The following CUEDC1 variants were observed in gnomAD, a reference collection of about 807,000 sequenced individuals.
CUEDC1 encodes the protein CUE domain-containing protein 1.
In CUEDC1, 30 loss-of-function variants were observed where a neutral mutation model predicts 43.7. That is an observed-to-expected ratio of 0.69 (90% confidence interval 0.51 to 0.93). The LOEUF is 0.93. Ranked by LOEUF, CUEDC1 falls within the 40% of genes least tolerant of loss-of-function variation. CUEDC1 has a pLI of 0.00. For synonymous variants in CUEDC1, 223 were observed against 223.6 expected, an observed-to-expected ratio of 1.00 and a Z score of 0.02; for missense variants, 486 against 549.0, an observed-to-expected ratio of 0.89 and a Z score of 1.15.
rs536255647 is a variant in CUEDC1 at position 57,873,902 on chromosome 17, G to A, written c.465-185C>T. 3.3e-5 allele frequency among the ~76,000 whole-genome samples: 5 copies of A among 152,262 alleles called. No individual in the cohort carries two copies. The East Asian group carries it at 5.8e-4, about 18-fold the overall frequency. ...TGGAGATGTCTCCACCAGCCTCAGC[G>A]AACTCCCCAGCCATTCATGCTCTCC... On this transcript the variant is annotated intron_variant, in intron 3 of 10. Transcript: ENST00000577830.
At chr17:57,870,637 G>A (rs1463803094) in intron 6 of CUEDC1, among the ~76,000 whole-genome samples, 1 of 151,466 alleles carries the variant, frequency 6.6e-6, no homozygotes, top group Non-Finnish European at 1.5e-5. Flanking sequence ...AGACTTATGA[G>A]TCTCTGAGCC....
At chr17:57,907,378 G>C (rs1384147577) in intron 1 of CUEDC1, among the ~76,000 whole-genome samples, 1 of 152,174 alleles carries the variant, frequency 6.6e-6, no homozygotes, top group Non-Finnish European at 1.5e-5. Context: ...GGGAGAAGAG[G>C]ATCAGCAGTC....
At chr17:57,864,796 G>C (rs113983219) in intron 10 of CUEDC1, among the ~76,000 whole-genome samples, 18,691 of 152,188 alleles carry the variant, frequency 0.12, 1,572 homozygotes, top group Non-Finnish European at 0.18. Context: ...GCTCACACCT[G>C]TAATCCTAGC....
intron 1 of CUEDC1, among the ~76,000 whole-genome samples, chr17:57,888,359 C>A (rs955136246): frequency 2.0e-5 from 3 of 152,204 alleles, no homozygotes; most frequent in Admixed American, 6.5e-5. Flanking sequence ...TTTTTAGTGC[C>A]TGAGTAGCAT....
At chr17:57,899,621 C>T (rs1287853305) in intron 1 of CUEDC1, among the ~76,000 whole-genome samples, 2 of 152,074 alleles carry the variant, frequency 1.3e-5, no homozygotes. Context: ...TGCTAACAGG[C>T]TCCCACTCAC....
In CUEDC1 at chr17:57,862,872, C is replaced by G. The variant is rs1337597975; in HGVS notation, c.*417G>C. 3.3e-5 allele frequency: 5 copies of G among 152,144 alleles called. No homozygotes were observed. The highest frequency in any genetic ancestry group is 5.9e-5 in the Non-Finnish European group (4 of 68,084). The allele number at this position is 152,144 out of a possible 1,614,324, so 9.4% of individuals were successfully genotyped here. Reference sequence around the variant, plus strand: ...TGTGACAGGAGAGATAGAGAACGGACGGAGGCAGAGACTCCACCTTCAGGC... The same window carrying G: ...TGTGACAGGAGAGATAGAGAACGGAGGGAGGCAGAGACTCCACCTTCAGGC... On this transcript the variant is annotated 3_prime_UTR_variant, in exon 11 of 11. Transcript: ENST00000577830.
intron 1 of CUEDC1, among the ~76,000 whole-genome samples, chr17:57,905,861 G>A (rs919327051): frequency 1.3e-5 from 2 of 152,196 alleles, no homozygotes; most frequent in Non-Finnish European, 1.5e-5. Context: ...GGTTGTGTGG[G>A]GGCAACTCCT....
intron 1 of CUEDC1, among the ~76,000 whole-genome samples, chr17:57,887,250 G>A (rs2074302395): frequency 6.6e-6 from 1 of 152,054 alleles, no homozygotes; most frequent in Admixed American, 6.6e-5. Context: ...GCACAATGAG[G>A]GACCTTAATC....
chr17:57,906,293 C>T (rs1325708465), intron 1 of CUEDC1, among the ~76,000 whole-genome samples: 1 of 152,226 alleles, frequency 6.6e-6, no homozygotes, highest in Admixed American at 6.5e-5. Context: ...GAATGAAATG[C>T]TGACACATGC....
intron 1 of CUEDC1, among the ~76,000 whole-genome samples, chr17:57,905,828 G>A (rs575144263): frequency 6.6e-6 from 1 of 152,274 alleles, no homozygotes; most frequent in African/African-American, 2.4e-5. Flanking sequence ...CCAAATCCAA[G>A]GCAGCAGTTA....
At chr17:57,934,988 A>G (rs537508221) in intron 1 of CUEDC1, among the ~76,000 whole-genome samples, 12 of 152,300 alleles carry the variant, frequency 7.9e-5, no homozygotes, top group East Asian at 5.8e-4. Flanking sequence ...GATTACAGGC[A>G]TGAGCCACCA....
chr17:57,953,673 G>A (rs1316828336), intron 1 of CUEDC1, among the ~76,000 whole-genome samples: 2 of 152,164 alleles, frequency 1.3e-5, no homozygotes, highest in Admixed American at 6.5e-5. Context: ...ATTCTCAAAG[G>A]GGCCCATGAC....
At chr17:57,932,235 T>G (rs2074811166) in intron 1 of CUEDC1, among the ~76,000 whole-genome samples, 1 of 142,716 alleles carries the variant, frequency 7.0e-6, no homozygotes, top group Non-Finnish European at 1.5e-5. Flanking sequence ...TGAGCCGAGA[T>G]CGCGCGACAG....
intron 1 of CUEDC1, among the ~76,000 whole-genome samples, chr17:57,935,406 A>ACACAAAC (rs2074851488): frequency 3.9e-5 from 3 of 77,008 alleles, no homozygotes; most frequent in Non-Finnish European, 3.4e-5. Flanking sequence ...CACACACACA[A>ACACAAAC]ACACACACAC....
chr17:57,918,506 T>G (rs2074666676), intron 1 of CUEDC1, among the ~76,000 whole-genome samples: 11 of 152,232 alleles, frequency 7.2e-5, no homozygotes, highest in Admixed American at 7.2e-4. Flanking sequence ...CCTTAAGATG[T>G]TGAGAAGGGG....
chr17:57,946,977 A>G (rs1202995605), intron 1 of CUEDC1, among the ~76,000 whole-genome samples: 1 of 151,244 alleles, frequency 6.6e-6, no homozygotes, highest in Non-Finnish European at 1.5e-5. Flanking sequence ...CCCCCAGCTG[A>G]CCCTCCCTGG....
chr17:57,950,569 T>C (rs1598030850), intron 1 of CUEDC1, among the ~76,000 whole-genome samples: 1 of 151,238 alleles, frequency 6.6e-6, no homozygotes, highest in Non-Finnish European at 1.5e-5. Flanking sequence ...GCCTCCTGGG[T>C]TCAAGCTATT....
intron 1 of CUEDC1, among the ~76,000 whole-genome samples, chr17:57,891,231 G>A (rs548556466): frequency 7.2e-5 from 11 of 152,306 alleles, no homozygotes; most frequent in Middle Eastern, 3.4e-3. Flanking sequence ...GGATCCATCC[G>A]ACCTGTGATT....
intron 1 of CUEDC1, among the ~76,000 whole-genome samples, chr17:57,915,337 G>A (rs967251488): frequency 4.0e-5 from 6 of 151,700 alleles, no homozygotes; most frequent in African/African-American, 7.3e-5. Flanking sequence ...CCACAGGCAC[G>A]CTCAGAGGTC....
Sources: allele counts gnomAD v4.1 joint callset (sites outside exome capture counted in the v4.1 genomes callset), GRCh38; gene constraint gnomAD v4.1.1; transcripts MANE v1.5; gene names NCBI Gene and HGNC (gene_info 2026-07-23, HGNC 2026-07-21).